The following DYTN variants were observed in gnomAD, a reference collection of about 807,000 sequenced individuals.
DYTN encodes dystrotelin.
A neutral mutation model predicts 69.6 loss-of-function variants in DYTN; 75 were observed. The observed-to-expected ratio is 1.08, with a 90% CI of 0.89 to 1.31. DYTN has a LOEUF of 1.31. Ranked by LOEUF, DYTN falls within the 50% of genes most tolerant of loss-of-function variation. The pLI, the probability that DYTN is intolerant of heterozygous loss-of-function variation, is 0.00. For synonymous variants in DYTN, 252 were observed against 249.1 expected (o/e 1.01, Z -0.11); for missense variants, 726 against 688.4 (o/e 1.05, Z -0.61).
intron 9 of DYTN, among the ~76,000 whole-genome samples, chr2:206,667,499 C>T (rs1169275404): frequency 6.6e-6 from 1 of 152,176 alleles, no homozygotes; most frequent in Non-Finnish European, 1.5e-5. Flanking sequence ...TGGCCAAACT[C>T]TTCCCTTCTT....
rs535702886 is a variant in DYTN, at chr2:206,667,059, C to A, written c.981-1030G>T. On this transcript the variant is annotated intron_variant, in intron 9 of 11. Coordinates refer to ENST00000452335, the MANE Select transcript of DYTN (RefSeq NM_001093730.1). Reference sequence around the variant, plus strand: ...GACCCTGTCTCTAAAAAAATATGAACCAAGTAGTCAAGGTAATCAGGGCAA... The same window carrying A: ...GACCCTGTCTCTAAAAAAATATGAAACAAGTAGTCAAGGTAATCAGGGCAA... 2.0e-5 allele frequency among the ~76,000 whole-genome samples: 3 copies of A among 151,998 alleles called. No individual in the cohort carries two copies. In the East Asian group the frequency reaches 5.8e-4, roughly 29 times the overall value.
intron 1 of DYTN, among the ~76,000 whole-genome samples, chr2:206,715,148 G>A (rs1700115021): frequency 6.6e-6 from 1 of 152,122 alleles, no homozygotes; most frequent in Admixed American, 6.5e-5. Context: ...GTAGAAACAG[G>A]TGGGAATCAG....
At chr2:206,678,571 T>C (rs1295242895) in intron 9 of DYTN, among the ~76,000 whole-genome samples, 3 of 152,234 alleles carry the variant, frequency 2.0e-5, no homozygotes. Flanking sequence ...TGGAGTTAAA[T>C]CATATTATGC....
intron 9 of DYTN, among the ~76,000 whole-genome samples, chr2:206,675,339 A>T (rs777376741): frequency 2.0e-4 from 30 of 148,378 alleles, no homozygotes; most frequent in African/African-American, 3.7e-4. Flanking sequence ...AAATATATAT[A>T]TTTTTTTCAG....
At chr2:206,694,185 T>C (rs368953435) in intron 8 of DYTN, among the ~76,000 whole-genome samples, 1 of 152,258 alleles carries the variant, frequency 6.6e-6, no homozygotes, top group Non-Finnish European at 1.5e-5. Context: ...AAATGTACTA[T>C]GCTGTTTCTC....
chr2:206,692,841 A>C (rs888129501), intron 9 of DYTN, among the ~76,000 whole-genome samples: 1 of 151,834 alleles, frequency 6.6e-6, no homozygotes, highest in Non-Finnish European at 1.5e-5. Context: ...ATTCTGAATT[A>C]GCCTTCCAAA....
chr2:206,692,740 G>A (rs1354000180), intron 9 of DYTN, among the ~76,000 whole-genome samples: 1 of 151,530 alleles, frequency 6.6e-6, no homozygotes, highest in Non-Finnish European at 1.5e-5. Context: ...GTTAATCTCT[G>A]TTTCACACTA....
At chr2:206,674,689 C>T (rs770550096) in intron 9 of DYTN, among the ~76,000 whole-genome samples, 76 of 151,770 alleles carry the variant, frequency 5.0e-4, no homozygotes, top group Non-Finnish European at 5.3e-4. Flanking sequence ...ATTTAAAGGA[C>T]GTTTAAAGAA....
At chr2:206,656,111 C>A (rs1289572540) in intron 11 of DYTN, among the ~76,000 whole-genome samples, 1 of 146,578 alleles carries the variant, frequency 6.8e-6, no homozygotes, top group Non-Finnish European at 1.5e-5. Context: ...CTATCACTGT[C>A]TATTTCTCCC....
chr2:206,717,318 T>C (rs1450650326), intron 1 of DYTN, among the ~76,000 whole-genome samples: 1 of 152,216 alleles, frequency 6.6e-6, no homozygotes, highest in African/African-American at 2.4e-5. Context: ...GTCCATCATC[T>C]AGTTCAATGA....
intron 7 of DYTN, 27 bp downstream of exon 7, chr2:206,699,700 T>A (rs1347928838): frequency 6.2e-7 from 1 of 1,600,794 alleles, no homozygotes; most frequent in Admixed American, 1.7e-5. Context: ...AGAATGATAA[T>A]CCAAGAAATG....
Position 206,718,368 on chromosome 2 carries a change from G to A in DYTN, c.-89C>T, listed in dbSNP as rs577398400. 8.3e-6 allele frequency: 12 copies of A among 1,441,426 alleles called. No homozygotes were observed. In the African/African-American group the frequency reaches 9.9e-5, roughly 12 times the overall value. 89.3% of individuals were successfully genotyped at this position (1,441,426 alleles called of 1,614,324 possible). The stretch of plus-strand genomic sequence containing the variant: ...TTTAAGCAGAAGGTTTTGCAGCAGA[G>A]GAATGAGGACAGGGGAACAAAAAGG... On this transcript the variant is annotated 5_prime_UTR_variant, in exon 1 of 12. Coordinates refer to ENST00000452335, the MANE Select transcript of DYTN (RefSeq NM_001093730.1).
intron 9 of DYTN, among the ~76,000 whole-genome samples, chr2:206,678,614 TG>T (rs1181388260): frequency 6.6e-6 from 1 of 152,220 alleles, no homozygotes; most frequent in Non-Finnish European, 1.5e-5. Context: ...ACCATTAAGA[TG>T]TTTTTTGAAG....
At chr2:206,667,984 T>C (rs1212910895) in intron 9 of DYTN, among the ~76,000 whole-genome samples, 1 of 152,192 alleles carries the variant, frequency 6.6e-6, no homozygotes. Flanking sequence ...CTCTGAAAGA[T>C]AGCCCTCTAA....
At chr2:206,711,631 A>G (rs902232645) in intron 1 of DYTN, among the ~76,000 whole-genome samples, 5 of 151,758 alleles carry the variant, frequency 3.3e-5, no homozygotes, top group African/African-American at 1.2e-4. Flanking sequence ...CATGTGCACA[A>G]TGTGCAGGTT....
chr2:206,666,738 C>CGTGT (rs56345459), intron 9 of DYTN, among the ~76,000 whole-genome samples: 7,799 of 145,650 alleles, frequency 0.054, 264 homozygotes, highest in Admixed American at 0.11. Flanking sequence ...CATGGGTGTG[C>CGTGT]GTGTGTGTGT....
chr2:206,661,834 C>T (rs1456058339), intron 11 of DYTN, among the ~76,000 whole-genome samples: 2 of 152,166 alleles, frequency 1.3e-5, no homozygotes, highest in African/African-American at 4.8e-5. Flanking sequence ...CCCCTAATCC[C>T]TGCATTGTTC....
At chr2:206,663,487 T>A in intron 10 of DYTN, 92 bp from the exon 11 acceptor site, 1 of 1,348,880 alleles carries the variant, frequency 7.4e-7, no homozygotes, top group Non-Finnish European at 9.8e-7. Context: ...CAGAACATTC[T>A]AATGCAAGAC....
rs1483748035 is a variant in DYTN, at chr2:206,665,886, AT to A, written c.1123del (p.Ile375Ter). 6.2e-7 allele frequency: 1 copy of A among 1,613,620 alleles called. No homozygotes were observed. The highest frequency in any genetic ancestry group is 8.5e-7 in the Non-Finnish European group (1 of 1,179,786). ...ATTTTATACCTGTAGGTCCCGTCTTATCTGTTGTAGCTTGGTCCATAGACTA... is the reference window on the plus strand; with the variant it reads ...ATTTTATACCTGTAGGTCCCGTCTTACTGTTGTAGCTTGGTCCATAGACTA... ...QDSLWTKLQQ[I>X]RRDLQARLQP... On this transcript the variant is annotated frameshift_variant, in exon 10 of 12. Transcript: ENST00000452335. LOFTEE classifies it high-confidence loss of function.
Sources: gnomAD v4.1 joint callset for allele counts (sites outside exome capture counted in the v4.1 genomes callset) on GRCh38, gnomAD v4.1.1 for gene constraint, MANE v1.5 for transcripts, NCBI Gene and HGNC (gene_info 2026-07-23, HGNC 2026-07-21) for gene names.